The following TOP6BL variants were observed in gnomAD, a reference collection of about 807,000 sequenced individuals.
The protein encoded by TOP6BL is TOP6B like initiator of meiotic double strand breaks, also known as type 2 DNA topoisomerase 6 subunit B-like.
At chr11:66,832,883 C>A in the TOP6BL span, among the ~76,000 whole-genome samples, 1 of 152,078 alleles carries the variant, frequency 6.6e-6, no homozygotes, top group South Asian at 2.1e-4. Context: ...GTTGGCAGGG[C>A]CACACTCCTT....
At chr11:66,796,357 A>C in the TOP6BL span, 2 of 1,606,036 alleles carry the variant, frequency 1.2e-6, no homozygotes, top group African/African-American at 2.7e-5. Context: ...ATCATGGTGC[A>C]CCCTAAGGTA....
chr11:66,747,771 A>G, the TOP6BL span, among the ~76,000 whole-genome samples: 1 of 151,972 alleles, frequency 6.6e-6, no homozygotes. Context: ...GGCACACGCC[A>G]CCACGCTGGG....
At chr11:66,788,092 C>A in the TOP6BL span, 1 of 1,141,056 alleles carries the variant, frequency 8.8e-7, no homozygotes. Flanking sequence ...GTTTAATAAA[C>A]AAATCCAGAA....
chr11:66,829,680 G>C, the TOP6BL span, among the ~76,000 whole-genome samples: 1 of 152,000 alleles, frequency 6.6e-6, no homozygotes, highest in Non-Finnish European at 1.5e-5. Flanking sequence ...TTGACCCCAG[G>C]AGTTCAAGAC....
the TOP6BL span, among the ~76,000 whole-genome samples, chr11:66,747,236 G>A: frequency 6.6e-6 from 1 of 151,894 alleles, no homozygotes; most frequent in Non-Finnish European, 1.5e-5. Context: ...ACACCCGGTC[G>A]ATTAAATGTT....
the TOP6BL span, chr11:66,745,060 C>A: frequency 1.1e-6 from 1 of 904,550 alleles, no homozygotes; most frequent in Non-Finnish European, 1.5e-6. Flanking sequence ...CCGTCTCCCA[C>A]GGGGAAGCGA....
At chr11:66,791,121 A>G in the TOP6BL span, among the ~76,000 whole-genome samples, 11 of 152,226 alleles carry the variant, frequency 7.2e-5, no homozygotes, top group Admixed American at 7.2e-4. Flanking sequence ...TTGAGGAGAA[A>G]GGTTAAGTAG....
chr11:66,814,565 G>A, the TOP6BL span, among the ~76,000 whole-genome samples: 2,730 of 152,086 alleles, frequency 0.018, 34 homozygotes, highest in Non-Finnish European at 0.029. Flanking sequence ...ACCCGGCCTG[G>A]CATTGCATGT....
the TOP6BL span, among the ~76,000 whole-genome samples, chr11:66,803,638 T>G: frequency 6.6e-6 from 1 of 152,134 alleles, no homozygotes; most frequent in Non-Finnish European, 1.5e-5. Flanking sequence ...TTGGCCAGGT[T>G]GGTCTTGAAC....
At chr11:66,818,535 T>G in the TOP6BL span, among the ~76,000 whole-genome samples, 4 of 152,186 alleles carry the variant, frequency 2.6e-5, no homozygotes, top group African/African-American at 4.8e-5. Flanking sequence ...CAGCTGATTA[T>G]TGTGGAAAAG....
the TOP6BL span, among the ~76,000 whole-genome samples, chr11:66,778,313 C>A: frequency 9.2e-5 from 14 of 152,006 alleles, no homozygotes; most frequent in Non-Finnish European, 1.3e-4. Flanking sequence ...TGTTAAAATG[C>A]CATTGTTTCA....
the TOP6BL span, among the ~76,000 whole-genome samples, chr11:66,787,496 G>A: frequency 6.7e-5 from 10 of 149,868 alleles, no homozygotes; most frequent in African/African-American, 1.5e-4. Context: ...ACCTAAGATC[G>A]GGAGTTCGAG....
chr11:66,822,443 G>T, the TOP6BL span: 1 of 641,836 alleles, frequency 1.6e-6, no homozygotes, highest in Non-Finnish European at 2.8e-6. Flanking sequence ...AGTAACTTTT[G>T]TTGATGGATA....
the TOP6BL span, among the ~76,000 whole-genome samples, chr11:66,765,483 A>T: frequency 6.6e-6 from 1 of 151,976 alleles, no homozygotes; most frequent in Non-Finnish European, 1.5e-5. Flanking sequence ...CTTAATATTA[A>T]CCTCCACTCA....
chr11:66,821,211 G>T, the TOP6BL span, among the ~76,000 whole-genome samples: 1 of 151,882 alleles, frequency 6.6e-6, no homozygotes, highest in East Asian at 1.9e-4. Flanking sequence ...CTCAGTCGTT[G>T]TACTCAGTAT....
the TOP6BL span, among the ~76,000 whole-genome samples, chr11:66,809,988 A>G: frequency 6.6e-6 from 1 of 152,256 alleles, no homozygotes; most frequent in South Asian, 2.1e-4. Flanking sequence ...AGAAATATGA[A>G]GAAAATTATA....
chr11:66,780,516 C>T, the TOP6BL span, among the ~76,000 whole-genome samples: 9 of 152,112 alleles, frequency 5.9e-5, no homozygotes, highest in African/African-American at 1.7e-4. Flanking sequence ...ATAGTTTTCT[C>T]CTTTTCAACA....
the TOP6BL span, among the ~76,000 whole-genome samples, chr11:66,840,081 C>T: frequency 1.2e-4 from 18 of 152,292 alleles, no homozygotes; most frequent in African/African-American, 4.3e-4. Context: ...ATGGCTTGGG[C>T]TGTTCTGTCC....
chr11:66,751,517 T>TA, the TOP6BL span, among the ~76,000 whole-genome samples: 9 of 150,814 alleles, frequency 6.0e-5, no homozygotes, highest in Non-Finnish European at 1.2e-4. Context: ...TTTTTTTTTT[T>TA]ATAGAGATGA....
Sources: gnomAD v4.1 joint callset for allele counts (sites outside exome capture counted in the v4.1 genomes callset) on GRCh38, gnomAD v4.1.1 for gene constraint, MANE v1.5 for transcripts, NCBI Gene and HGNC (gene_info 2026-07-23, HGNC 2026-07-21) for gene names.